Variants in OCA2 observed in about 807,000 individuals in gnomAD.
OCA2 encodes OCA2 melanosomal transmembrane protein.
Under a neutral mutation model 100.2 loss-of-function variants are expected in OCA2, and 77 were observed. The ratio of observed to expected loss-of-function variants is 0.77; its 90% CI spans 0.64 to 0.93. OCA2 has a LOEUF of 0.93. Among genes scored for constraint, OCA2 ranks in the 40% least tolerant of loss-of-function variants. The probability of loss-of-function intolerance (pLI) is 0.00; values close to 1 mark genes in which losing one functional copy is unlikely to be tolerated. For synonymous variants in OCA2, 432 were observed against 439.2 expected, an observed-to-expected ratio of 0.98 and a Z score of 0.21; for missense variants, 1,062 against 1,089.1, an observed-to-expected ratio of 0.98 and a Z score of 0.35.
At chr15:27,815,882 A>G (rs1262864637) in intron 23 of OCA2, among the ~76,000 whole-genome samples, 1 of 152,272 alleles carries the variant, frequency 6.6e-6, no homozygotes, top group East Asian at 1.9e-4. Flanking sequence ...CTATAATCCC[A>G]GCACTTTGGG....
At chr15:27,940,764 G>A (rs906973860) in intron 18 of OCA2, among the ~76,000 whole-genome samples, 4 of 152,188 alleles carry the variant, frequency 2.6e-5, no homozygotes, top group Admixed American at 6.5e-5. Context: ...AATTAACTGT[G>A]TCATTCACTA....
At chr15:27,777,299 G>C (rs1473305733) in intron 23 of OCA2, among the ~76,000 whole-genome samples, 1 of 152,036 alleles carries the variant, frequency 6.6e-6, no homozygotes, top group Non-Finnish European at 1.5e-5. Context: ...TAAACGCACA[G>C]AAAAAAACGC....
chr15:27,845,592 C>T (rs527996306), intron 22 of OCA2, among the ~76,000 whole-genome samples: 3 of 152,170 alleles, frequency 2.0e-5, no homozygotes, highest in Non-Finnish European at 2.9e-5. Context: ...CACATGCATG[C>T]GTGCCATCCT....
chr15:27,820,154 G>C (rs939468002), intron 23 of OCA2, among the ~76,000 whole-genome samples: 1 of 152,186 alleles, frequency 6.6e-6, no homozygotes, highest in Admixed American at 6.5e-5. Flanking sequence ...GACTGAATAA[G>C]TAAATGATTG....
At chr15:27,771,891 T>C (rs2031896971) in intron 23 of OCA2, among the ~76,000 whole-genome samples, 1 of 152,238 alleles carries the variant, frequency 6.6e-6, no homozygotes, top group Non-Finnish European at 1.5e-5. Flanking sequence ...TTTTTAGTCT[T>C]CTAATTTTGT....
intron 23 of OCA2, among the ~76,000 whole-genome samples, chr15:27,834,853 G>A (rs1054088389): frequency 4.6e-5 from 7 of 152,202 alleles, no homozygotes; most frequent in African/African-American, 1.7e-4. Context: ...ACAGGCACCT[G>A]CTCCTCATGT....
intron 23 of OCA2, among the ~76,000 whole-genome samples, chr15:27,820,630 G>C (rs990980870): frequency 3.3e-5 from 5 of 152,240 alleles, no homozygotes; most frequent in Admixed American, 2.0e-4. Flanking sequence ...TCCCCGATGG[G>C]GTCCTGGAAC....
At chr15:28,082,299 C>T (rs552348975) in intron 1 of OCA2, among the ~76,000 whole-genome samples, 4 of 152,196 alleles carry the variant, frequency 2.6e-5, no homozygotes, top group Admixed American at 6.5e-5. Context: ...TACCCCAACA[C>T]GCTGGACTCC....
intron 3 of OCA2, among the ~76,000 whole-genome samples, chr15:28,028,708 C>A (rs1566817477): frequency 6.6e-6 from 1 of 152,128 alleles, no homozygotes; most frequent in Non-Finnish European, 1.5e-5. Flanking sequence ...TTTTTTGAGA[C>A]AGAGTCTTGC....
chr15:28,027,550 CG>C (rs1327821353), intron 4 of OCA2, among the ~76,000 whole-genome samples: 2 of 152,174 alleles, frequency 1.3e-5, no homozygotes, highest in Non-Finnish European at 2.9e-5. Context: ...CAAAACGCCA[CG>C]GGGACGCCTG....
intron 23 of OCA2, among the ~76,000 whole-genome samples, chr15:27,818,497 G>T (rs1046161367): frequency 6.6e-6 from 1 of 152,188 alleles, no homozygotes; most frequent in Non-Finnish European, 1.5e-5. Context: ...AAAATGTGAT[G>T]AATGCCACAA....
intron 4 of OCA2, among the ~76,000 whole-genome samples, chr15:28,027,197 C>T (rs1285669155): frequency 6.6e-6 from 1 of 152,226 alleles, no homozygotes; most frequent in Non-Finnish European, 1.5e-5. Flanking sequence ...CTCGGCCTCC[C>T]ACGCATGCGC....
At chr15:27,825,826 C>T (rs1177573256) in intron 23 of OCA2, among the ~76,000 whole-genome samples, 1 of 152,226 alleles carries the variant, frequency 6.6e-6, no homozygotes, top group African/African-American at 2.4e-5. Context: ...CCCCAGTCCC[C>T]ATGGAAGGCA....
chr15:27,986,013 C>A (rs960122860), intron 12 of OCA2, among the ~76,000 whole-genome samples: 1 of 152,062 alleles, frequency 6.6e-6, no homozygotes, highest in Non-Finnish European at 1.5e-5. Flanking sequence ...TTTAAAAAGA[C>A]CTTTTCAGTT....
intron 4 of OCA2, among the ~76,000 whole-genome samples, chr15:28,025,577 G>A (rs970739055): frequency 3.3e-5 from 5 of 152,174 alleles, no homozygotes; most frequent in African/African-American, 1.2e-4. Context: ...CTCCCAGACC[G>A]GACCACAGGG....
At chr15:27,756,395 A>G (rs957821710) in intron 23 of OCA2, among the ~76,000 whole-genome samples, 2 of 152,240 alleles carry the variant, frequency 1.3e-5, no homozygotes, top group African/African-American at 2.4e-5. Flanking sequence ...CATGAGCGAG[A>G]CAGCTCCCGA....
rs1566878242 is a variant in OCA2, at chr15:28,081,711, G to A, written c.164C>T (p.Ala55Val). Residue 55 changes from alanine (A) to valine (V), a missense_variant, in exon 2 of 24, where the codon GCT becomes GTT. Physicochemically the swap from Ala to Val is moderately conservative, Grantham distance 64. Coordinates refer to ENST00000354638, the MANE Select transcript of OCA2 (RefSeq NM_000275.3). ...AGGAGCCCAAGAGCTCTGCCCGGCA[G>A]CCCCCCTGGGGCAGGAGTGCGAGGG... Reference protein sequence around the residue: ...ADPSHSCPRGAAGQSSWAPAG... With the variant: ...ADPSHSCPRGVAGQSSWAPAG... 3 of 1,613,778 alleles carry A rather than the reference G, an allele frequency of 1.9e-6. No individual in the cohort carries two copies. The highest frequency in any genetic ancestry group is 1.7e-5 in the Admixed American group (1 of 60,026).
intron 23 of OCA2, among the ~76,000 whole-genome samples, chr15:27,774,839 G>A (rs909386464): frequency 1.1e-4 from 17 of 152,146 alleles, no homozygotes; most frequent in East Asian, 5.8e-4. Context: ...GGCCAAGTCC[G>A]CAGGCCACGA....
chr15:27,742,902 G>A, the OCA2 span, among the ~76,000 whole-genome samples: 2 of 152,204 alleles, frequency 1.3e-5, no homozygotes, highest in African/African-American at 4.8e-5. Context: ...AATGCTTAAT[G>A]AAAGCCCCTG....
Sources: allele counts gnomAD v4.1 joint callset (sites outside exome capture counted in the v4.1 genomes callset), GRCh38; gene constraint gnomAD v4.1.1; transcripts MANE v1.5; gene names NCBI Gene and HGNC (gene_info 2026-07-23, HGNC 2026-07-21).